The following BLCAP variants were observed in gnomAD, a reference collection of about 807,000 sequenced individuals.
BLCAP encodes the protein BLCAP apoptosis inducing factor, also known as apoptosis inducing factor BLCAP.
BLCAP carries 1 observed loss-of-function variant against 5.7 expected under a neutral mutation model. The ratio of observed to expected loss-of-function variants is 0.18; its 90% CI spans 0.06 to 0.83. The LOEUF (loss-of-function observed/expected upper bound fraction) is 0.83, where lower values mean the gene tolerates loss of function less well. BLCAP is among the 40% of genes least tolerant of loss of function. The pLI is 0.71. For missense variants in BLCAP, 66 were observed against 107.6 expected (o/e 0.61, Z 1.71); for synonymous variants, 48 against 49.4 (o/e 0.97, Z 0.11).
chr20:37,525,109 C>T (rs910059275), intron 1 of BLCAP, among the ~76,000 whole-genome samples: 6 of 152,178 alleles, frequency 3.9e-5, no homozygotes, highest in African/African-American at 1.4e-4. Flanking sequence ...AGGCAATGCC[C>T]ACACCTCCTC....
chr20:37,518,640 C>T lies in BLCAP; in HGVS notation c.*271G>A, dbSNP rs147743904. On this transcript the variant is annotated 3_prime_UTR_variant, in exon 2 of 2. Transcript: ENST00000373537. ...ACCCAGACTCCTCACAGTAATGAGGCGAGAGGGGTGGTCATGCGGCCAGCC... is the reference window on the plus strand; with the variant it reads ...ACCCAGACTCCTCACAGTAATGAGGTGAGAGGGGTGGTCATGCGGCCAGCC... 271 of 475,092 alleles carry T rather than the reference C, an allele frequency of 5.7e-4. 2 individuals carry two copies. The highest frequency in any genetic ancestry group is 4.6e-3 in the African/African-American group (237 of 51,132). 29.4% of individuals were successfully genotyped at this position (475,092 alleles called of 1,614,324 possible).
At chr20:37,525,281 T>C (rs1438350202) in intron 1 of BLCAP, among the ~76,000 whole-genome samples, 4 of 152,230 alleles carry the variant, frequency 2.6e-5, no homozygotes, top group Admixed American at 6.5e-5. Flanking sequence ...ACTGCCCTTC[T>C]TGATGCTCTA....
In BLCAP at chr20:37,518,890, G is replaced by C; in HGVS notation, c.*21C>G. On this transcript the variant is annotated 3_prime_UTR_variant, in exon 2 of 2. Coordinates refer to ENST00000373537, the MANE Select transcript of BLCAP (RefSeq NM_006698.4). ...TCCCCTCCCGTCTTCTGCTTCCTTG[G>C]AAAGCTAACAGGGCAGGCCGTTAGG... 1 of 1,611,596 alleles carries C rather than the reference G, an allele frequency of 6.2e-7. No individual in the cohort carries two copies. Among genetic ancestry groups the C allele is most frequent in the Non-Finnish European group, 8.5e-7 (1 of 1,178,550 alleles).
At position 37,521,093 on chromosome 20, in the gene BLCAP, C is replaced by G. The variant is rs2071550502; in HGVS notation, c.-176-1743G>C. 1.8e-6 allele frequency: 1 copy of G among 565,524 alleles called. No individual in the cohort carries two copies. The highest frequency in any genetic ancestry group is 1.9e-5 in the African/African-American group (1 of 52,982). The allele number at this position is 565,524 out of a possible 1,614,324, so 35.0% of individuals were successfully genotyped here. On this transcript the variant is annotated intron_variant, in intron 1 of 1. Coordinates refer to ENST00000373537, the MANE Select transcript of BLCAP (RefSeq NM_006698.4). This position sits in a 1 kb window ranked among gnomAD's most constrained non-coding sequence, Gnocchi z 4.5. ...GGGGGCTAAGATGGAACTCAGGAGG[C>G]GGGGGTCGGTATGGAAAGAGCAGAT...
chr20:37,521,904 G>T lies in BLCAP; in HGVS notation c.-176-2554C>A, dbSNP rs950178209. Among the ~76,000 whole-genome samples the T allele has an allele frequency of 5.0e-5, 7 of 138,644 alleles. No homozygotes were observed. The highest frequency in any genetic ancestry group is 1.6e-4 in the African/African-American group (6 of 37,118). The allele number at this position is 138,644 out of a possible 152,430, so 91.0% of individuals were successfully genotyped here. On this transcript the variant is annotated intron_variant, in intron 1 of 1. Transcript: ENST00000373537. This position sits in a 1 kb window ranked among gnomAD's most constrained non-coding sequence, Gnocchi z 4.5. Reference sequence around the variant, plus strand: ...TCTCAGAAAAAATAAAAATTACTTCGCAAAAAAAAAAAACCCTACAACGAA... The same window carrying T: ...TCTCAGAAAAAATAAAAATTACTTCTCAAAAAAAAAAAACCCTACAACGAA...
intron 1 of BLCAP, 76 bp from the exon 2 acceptor site, chr20:37,519,426 A>AAGAAAAAAAAAAAAAAAAAAAAAAAAAAG (rs1555806288): frequency 4.5e-5 from 2 of 44,640 alleles, no homozygotes; most frequent in Non-Finnish European, 6.9e-5. Context: ...AAAAAAAAGA[A>AAGAAAAAAAAAAAAAAAAAAAAAAAAAAG]AAAAAAAAAA....
chr20:37,522,512 C>A, intron 1 of BLCAP: 1 of 1,501,006 alleles, frequency 6.7e-7, no homozygotes, highest in Non-Finnish European at 9.2e-7. Context: ...CTCCAGCTGC[C>A]CTGACTCGTG....
chr20:37,525,453 T>C (rs1488760489), intron 1 of BLCAP, among the ~76,000 whole-genome samples: 1 of 152,224 alleles, frequency 6.6e-6, no homozygotes, highest in African/African-American at 2.4e-5. Context: ...CAAAGCCCTT[T>C]TCCTCCATCC....
At chr20:37,519,426 A>AAAAAAAAAAG (rs2071491831) in intron 1 of BLCAP, 76 bp from the exon 2 acceptor site, 32 of 44,622 alleles carry the variant, frequency 7.2e-4, no homozygotes, top group South Asian at 3.0e-3. Context: ...AAAAAAAAGA[A>AAAAAAAAAAG]AAAAAAAAAA....
chr20:37,522,598 G>GGGGGGGGGGGGGGGGGGGGGGGCCC, intron 1 of BLCAP: 14 of 863,882 alleles, frequency 1.6e-5, no homozygotes, highest in East Asian at 1.4e-4. Flanking sequence ...GCGGGGGTGG[G>GGGGGGGGGGGGGGGGGGGGGGGCCC]CACGGCAGCA....
At chr20:37,526,045 T>C (rs1362710647) in intron 1 of BLCAP, among the ~76,000 whole-genome samples, 1 of 152,174 alleles carries the variant, frequency 6.6e-6, no homozygotes, top group Admixed American at 6.5e-5. Context: ...TGCAGGGTGC[T>C]ATGTGACACT....
rs888410434 is a variant in BLCAP, at chr20:37,518,593, T to C, written c.*318A>G. ...GGCATTTTATCTGCCCCAGGTCACATTGGGGCAGCTGACCAGGATGGACCC... is the reference window on the plus strand; with the variant it reads ...GGCATTTTATCTGCCCCAGGTCACACTGGGGCAGCTGACCAGGATGGACCC... On this transcript the variant is annotated 3_prime_UTR_variant, in exon 2 of 2. Transcript: ENST00000373537. 12 of 296,846 alleles carry C rather than the reference T, an allele frequency of 4.0e-5. No homozygotes were observed. The highest frequency in any genetic ancestry group is 1.6e-4 in the South Asian group (3 of 18,498). 18.4% of individuals were successfully genotyped at this position (296,846 alleles called of 1,614,324 possible). A position where few individuals can be genotyped will look rare whatever the true frequency, so the allele number is the denominator to read the frequency against.
At chr20:37,526,732 T>TG (rs1260391203) in intron 1 of BLCAP, 2 of 152,272 alleles carry the variant, frequency 1.3e-5, no homozygotes, top group Non-Finnish European at 2.9e-5. Context: ...GGAATTGACC[T>TG]GGTCACTGGA....
At chr20:37,522,554 C>G in intron 1 of BLCAP, 1 of 1,236,686 alleles carries the variant, frequency 8.1e-7, no homozygotes, top group East Asian at 3.1e-5. Flanking sequence ...CCTCTCCAGC[C>G]TACGCTGGAT....
chr20:37,518,937 G>A lies in BLCAP; in HGVS notation c.238C>T (p.His80Tyr), dbSNP rs2071465715. The change falls in exon 2 of 2, where the codon CAT becomes TAT. Residue 80 changes from histidine to tyrosine, a missense_variant. By Grantham distance (83) the His-to-Tyr change is moderately conservative (BLOSUM62 2). Transcript: ENST00000373537. ...CSDSPLPESA[H>Y]DPGVVGT ...TAGGTGCCCACAACGCCGGGATCAT[G>A]CGCCGATTCTGGAAGCGGGGAATCG... 6.2e-7 allele frequency: 1 copy of A among 1,614,222 alleles called. No individual in the cohort carries two copies. The highest frequency in any genetic ancestry group is 8.5e-7 in the Non-Finnish European group (1 of 1,180,034).
chr20:37,523,047 C>G (rs1442346731), intron 1 of BLCAP: 3 of 378,472 alleles, frequency 7.9e-6, no homozygotes, highest in Non-Finnish European at 1.4e-5. Flanking sequence ...GCATAGGCAC[C>G]GCATTCTGAT....
rs2071469331 is a variant in BLCAP, at chr20:37,519,094, C to T, written c.81G>A (p.Met27Ile). Residue 27 changes from methionine to isoleucine, a missense_variant, in exon 2 of 2, where the codon ATG becomes ATA. By Grantham distance (10) the Met-to-Ile change is conservative. Coordinates refer to ENST00000373537, the MANE Select transcript of BLCAP (RefSeq NM_006698.4). Reference protein sequence around the residue: ...LNPALWFSHSMFMGFYLLSFL... With the variant: ...LNPALWFSHSIFMGFYLLSFL... ...AGCTGAGCAGGTAGAAGCCCATGAA[C>T]ATGGAGTGGCTGAACCACAGGGCGG... The T allele has an allele frequency of 1.2e-6, 2 of 1,613,734 alleles. No individual in the cohort carries two copies. Among genetic ancestry groups the T allele is most frequent in the African/African-American group, 1.3e-5 (1 of 74,916 alleles).
chr20:37,521,457 A>G lies in BLCAP; in HGVS notation c.-176-2107T>C. The G allele has an allele frequency of 6.5e-7, 1 of 1,543,346 alleles. No individual in the cohort carries two copies. The highest frequency in any genetic ancestry group is 1.7e-5 in the Admixed American group (1 of 59,872). On this transcript the variant is annotated intron_variant, in intron 1 of 1. Coordinates refer to ENST00000373537, the MANE Select transcript of BLCAP (RefSeq NM_006698.4). This position sits in a 1 kb window ranked among gnomAD's most constrained non-coding sequence, Gnocchi z 4.5. The stretch of plus-strand genomic sequence containing the variant: ...AGGGTTCCCAACTCGCGCCCCTAGA[A>G]CCCGCAAGACTGCGTCGCGATTGCC...
Position 37,519,174 on chromosome 20 carries a change from TGATC to T in BLCAP, c.-4_-1del, listed in dbSNP as rs1245979642. 1 of 1,581,728 alleles carries T rather than the reference TGATC, an allele frequency of 6.3e-7. No individual in the cohort carries two copies. Among genetic ancestry groups the T allele is most frequent in the Non-Finnish European group, 8.6e-7 (1 of 1,164,314 alleles). On this transcript the variant is annotated 5_prime_UTR_variant, in exon 2 of 2. Coordinates refer to ENST00000373537, the MANE Select transcript of BLCAP (RefSeq NM_006698.4). The stretch of plus-strand genomic sequence containing the variant: ...GGCAGCAGCCACTGGAGGCAATACA[TGATC>T]TCTGCCGGGCAGGGCCTTCACCAAG...
Sources: allele counts gnomAD v4.1 joint callset (sites outside exome capture counted in the v4.1 genomes callset), GRCh38; gene constraint gnomAD v4.1.1; non-coding constraint Gnocchi (gnomAD v3.1); transcripts MANE v1.5; gene names NCBI Gene and HGNC (gene_info 2026-07-23, HGNC 2026-07-21).